KHDRBS2: variants seen among roughly 807,000 people sequenced by gnomAD.
KHDRBS2 encodes KH domain-containing, RNA-binding, signal transduction-associated protein 2.
A neutral mutation model predicts 44.3 loss-of-function variants in KHDRBS2; 26 were observed. The ratio of observed to expected loss-of-function variants is 0.59; its 90% confidence interval spans 0.43 to 0.81. The LOEUF (loss-of-function observed/expected upper bound fraction) is 0.81. Ranked by LOEUF, KHDRBS2 falls within the 40% of genes least tolerant of loss-of-function variation. The probability of loss-of-function intolerance (pLI) is 0.00; values close to 1 mark genes in which losing one functional copy is unlikely to be tolerated. For synonymous variants in KHDRBS2, 194 were observed against 151.1 expected (o/e 1.28, Z -2.08); for missense variants, 476 against 433.1 (o/e 1.10, Z -0.88).
intron 2 of KHDRBS2, among the ~76,000 whole-genome samples, chr6:62,135,092 T>G (rs1811215186): frequency 6.6e-6 from 1 of 152,206 alleles, no homozygotes; most frequent in Non-Finnish European, 1.5e-5. Context: ...TGATATGGTT[T>G]GGCTGTGTCC....
At chr6:61,818,425 T>C (rs1789339253) in intron 6 of KHDRBS2, among the ~76,000 whole-genome samples, 1 of 151,856 alleles carries the variant, frequency 6.6e-6, no homozygotes, top group Non-Finnish European at 1.5e-5. Context: ...GAAGCACCAA[T>C]GCTAAAAAAT....
At chr6:61,721,463 G>T (rs1772529341) in intron 7 of KHDRBS2, among the ~76,000 whole-genome samples, 1 of 147,356 alleles carries the variant, frequency 6.8e-6, no homozygotes, top group Admixed American at 6.9e-5. Flanking sequence ...CTTGAGCAGT[G>T]GTTTGTAGTT....
Position 61,848,521 on chromosome 6 carries a change from A to ATG in KHDRBS2, c.810+46113_810+46114insCA, listed in dbSNP as rs1562294501. Among the ~76,000 whole-genome samples the ATG allele has an allele frequency of 1.9e-3, 93 of 50,014 alleles. 1 individual carries two copies. The highest frequency in any genetic ancestry group is 2.6e-3 in the Non-Finnish European group (77 of 29,860). The allele number at this position is 50,014 out of a possible 152,430, so 32.8% of individuals were successfully genotyped here. On this transcript the variant is annotated intron_variant, in intron 6 of 8. Transcript: ENST00000281156. ...TATATATATATATATGTATATATGT[A>ATG]TATATATATACATATATATGTATAT...
chr6:61,815,927 C>G (rs575525496), intron 6 of KHDRBS2, among the ~76,000 whole-genome samples: 3 of 152,134 alleles, frequency 2.0e-5, no homozygotes, highest in African/African-American at 7.2e-5. Context: ...AAAGCTGAAT[C>G]AATAAACACA....
chr6:61,963,812 G>A (rs1769299545), intron 4 of KHDRBS2, among the ~76,000 whole-genome samples: 1 of 152,058 alleles, frequency 6.6e-6, no homozygotes, highest in South Asian at 2.1e-4. Context: ...CAAGTGAAAG[G>A]TTTCTTCTCG....
the KHDRBS2 span, among the ~76,000 whole-genome samples, chr6:61,604,159 T>C: frequency 1.3e-5 from 2 of 152,316 alleles, no homozygotes; most frequent in African/African-American, 4.8e-5. Context: ...GCCATGCTGT[T>C]ATAGGGGCTG....
In KHDRBS2 at chr6:62,163,700, G is replaced by A. The variant is rs140144433; in HGVS notation, c.219+13485C>T. ...TGGTTTAATGCAAAGAGGATCTTTG[G>A]TGCAGACAGACCCAGGTTCAAATGT... On this transcript the variant is annotated intron_variant, in intron 2 of 8. Transcript: ENST00000281156. Among the ~76,000 whole-genome samples, 1,149 of 152,066 alleles carry A rather than the reference G, an allele frequency of 7.6e-3. 17 individuals carry two copies. The highest frequency in any genetic ancestry group is 0.026 in the African/African-American group (1,061 of 41,514).
At chr6:62,124,586 TACACAC>T (rs57845781) in intron 2 of KHDRBS2, among the ~76,000 whole-genome samples, 25 of 145,102 alleles carry the variant, frequency 1.7e-4, no homozygotes, top group Middle Eastern at 3.6e-3. Flanking sequence ...TGAACTATAC[TACACAC>T]ACACACACAC....
At chr6:62,038,004 G>T (rs1218511185) in intron 3 of KHDRBS2, among the ~76,000 whole-genome samples, 1 of 151,938 alleles carries the variant, frequency 6.6e-6, no homozygotes, top group Non-Finnish European at 1.5e-5. Flanking sequence ...ACATAAATGT[G>T]TTTCCTTTAT....
chr6:61,607,519 G>GAAAAAAAAAAAAAA, the KHDRBS2 span, among the ~76,000 whole-genome samples: 93 of 23,292 alleles, frequency 4.0e-3, 8 homozygotes, highest in Admixed American at 5.5e-3. Flanking sequence ...TGAGTTCCAA[G>GAAAAAAAAAAAAAA]CAAAAAAAAA....
At chr6:61,580,966 A>G in the KHDRBS2 span, among the ~76,000 whole-genome samples, 2 of 152,192 alleles carry the variant, frequency 1.3e-5, no homozygotes, top group Non-Finnish European at 2.9e-5. Context: ...AAAATATAAT[A>G]CTATGAACTA....
intron 3 of KHDRBS2, among the ~76,000 whole-genome samples, chr6:61,981,364 T>G (rs1305066155): frequency 2.0e-5 from 3 of 152,168 alleles, no homozygotes; most frequent in Non-Finnish European, 4.4e-5. Context: ...TAGAAAACAT[T>G]CTGTGTCTTA....
the KHDRBS2 span, among the ~76,000 whole-genome samples, chr6:61,593,878 G>C: frequency 6.5e-4 from 99 of 152,212 alleles, no homozygotes; most frequent in Non-Finnish European, 1.1e-3. Flanking sequence ...AAAGTATCAG[G>C]TTAATCTTTC....
chr6:61,973,686 C>T (rs1246405776), intron 4 of KHDRBS2, among the ~76,000 whole-genome samples: 3 of 152,134 alleles, frequency 2.0e-5, no homozygotes, highest in African/African-American at 7.2e-5. Flanking sequence ...CACATACACA[C>T]ACACGTTTAC....
At chr6:61,705,829 T>C (rs1186950676) in intron 7 of KHDRBS2, among the ~76,000 whole-genome samples, 1 of 151,802 alleles carries the variant, frequency 6.6e-6, no homozygotes, top group African/African-American at 2.4e-5. Flanking sequence ...TCTGGGAAGC[T>C]TTCTCAGATA....
At chr6:61,976,304 G>A (rs1410086952) in intron 4 of KHDRBS2, among the ~76,000 whole-genome samples, 3 of 152,108 alleles carry the variant, frequency 2.0e-5, no homozygotes, top group Non-Finnish European at 4.4e-5. Flanking sequence ...AGGAGATACT[G>A]CCAGCCAGCC....
At chr6:61,818,013 C>T (rs1789257293) in intron 6 of KHDRBS2, among the ~76,000 whole-genome samples, 2 of 152,080 alleles carry the variant, frequency 1.3e-5, no homozygotes, top group South Asian at 4.1e-4. Flanking sequence ...ACATTGTCCA[C>T]ATCTCCCGTC....
chr6:62,186,786 G>C (rs554488798), intron 1 of KHDRBS2, among the ~76,000 whole-genome samples: 11 of 152,138 alleles, frequency 7.2e-5, no homozygotes, highest in African/African-American at 2.6e-4. Flanking sequence ...TTGAGACTCA[G>C]ACACAAATTC....
chr6:61,545,185 C>T, the KHDRBS2 span, among the ~76,000 whole-genome samples: 89,690 of 151,722 alleles, frequency 0.59, 26,726 homozygotes, highest in Non-Finnish European at 0.61. Context: ...GTGGTTCATG[C>T]CTGTAATCCC....
Sources: allele counts gnomAD v4.1 joint callset (sites outside exome capture counted in the v4.1 genomes callset), GRCh38; gene constraint gnomAD v4.1.1; transcripts MANE v1.5; gene names NCBI Gene and HGNC (gene_info 2026-07-23, HGNC 2026-07-21).